PKHD1: variants seen among roughly 807,000 people sequenced by gnomAD.
The protein encoded by PKHD1 is PKHD1 ciliary IPT domain containing fibrocystin/polyductin.
A neutral mutation model predicts 412.0 loss-of-function variants in PKHD1; 291 were observed. The ratio of observed to expected loss-of-function variants is 0.71; its 90% CI spans 0.64 to 0.78. The LOEUF is 0.78. Ranked by LOEUF, PKHD1 falls within the 30% of genes least tolerant of loss-of-function variation. PKHD1 has a pLI of 0.00. For missense variants in PKHD1, 4,825 were observed against 4,950.7 expected (o/e 0.97, Z 0.76); for synonymous variants, 1,777 against 1,821.5 (o/e 0.98, Z 0.62).
chr6:51,852,161 C>T (rs1319016028), intron 49 of PKHD1, among the ~76,000 whole-genome samples: 1 of 152,064 alleles, frequency 6.6e-6, no homozygotes, highest in Non-Finnish European at 1.5e-5. Flanking sequence ...ATTATTTACC[C>T]AGGAGTCATT....
At chr6:52,024,273 T>G (rs1280507109) in intron 32 of PKHD1, among the ~76,000 whole-genome samples, 1 of 152,224 alleles carries the variant, frequency 6.6e-6, no homozygotes, top group Non-Finnish European at 1.5e-5. Flanking sequence ...AATGATCAAA[T>G]TATGAGCTCT....
At chr6:51,652,411 C>G (rs1581848885) in intron 61 of PKHD1, among the ~76,000 whole-genome samples, 2 of 152,180 alleles carry the variant, frequency 1.3e-5, no homozygotes, top group East Asian at 3.9e-4. Flanking sequence ...TCAACAAGAC[C>G]TACTGTGGTG....
At chr6:51,724,978 G>A (rs1360120591) in intron 60 of PKHD1, among the ~76,000 whole-genome samples, 1 of 152,186 alleles carries the variant, frequency 6.6e-6, no homozygotes, top group Non-Finnish European at 1.5e-5. Context: ...GTTATAGGAA[G>A]AAAAGGGTCA....
intron 48 of PKHD1, among the ~76,000 whole-genome samples, chr6:51,863,651 G>T (rs1774566836): frequency 6.6e-6 from 1 of 152,056 alleles, no homozygotes; most frequent in Non-Finnish European, 1.5e-5. Flanking sequence ...ATTGCCCCAG[G>T]AAAGTAAAAG....
intron 25 of PKHD1, among the ~76,000 whole-genome samples, chr6:52,043,935 T>C (rs1346877787): frequency 6.6e-6 from 1 of 152,200 alleles, no homozygotes; most frequent in African/African-American, 2.4e-5. Context: ...ATGGTGGACA[T>C]GCTGAACCCC....
intron 63 of PKHD1, among the ~76,000 whole-genome samples, chr6:51,639,464 T>C (rs2661508): frequency 0.043 from 6,497 of 152,172 alleles, 235 homozygotes; most frequent in African/African-American, 0.093. Context: ...ATAGTTTATG[T>C]GGTACCAGAA....
At chr6:52,074,997 T>C (rs1045789475) in intron 6 of PKHD1, among the ~76,000 whole-genome samples, 1 of 152,210 alleles carries the variant, frequency 6.6e-6, no homozygotes, top group Non-Finnish European at 1.5e-5. Flanking sequence ...ACACCTCTAA[T>C]GGCTGTCTGC....
rs1459716083 is a variant in PKHD1, at chr6:51,659,334, T to C, written c.10792A>G (p.Ile3598Val). The C allele has an allele frequency of 6.2e-7, 1 of 1,613,942 alleles. No individual in the cohort carries two copies. The highest frequency in any genetic ancestry group is 8.5e-7 in the Non-Finnish European group (1 of 1,179,920). ...TCTTCATGGCCAGGCATCTCGTGAA[T>C]AAACCTGATTTGGTTTTGGCCAATC... ...LQIGQNQIRF[I>V]HEMPGHEETL... The change falls in exon 61 of 67, where the codon ATT becomes GTT. Residue 3598 changes from isoleucine to valine, a missense_variant. Ile to Val is a conservative substitution (Grantham distance 29). Coordinates refer to ENST00000371117, the MANE Select transcript of PKHD1 (RefSeq NM_138694.4).
At chr6:51,727,019 T>C (rs1183426565) in intron 60 of PKHD1, among the ~76,000 whole-genome samples, 1 of 152,034 alleles carries the variant, frequency 6.6e-6, no homozygotes, top group Non-Finnish European at 1.5e-5. Context: ...ATTCAAAGCA[T>C]GAGAGGCACA....
rs139159011 is a variant in PKHD1 at position 51,791,107 on chromosome 6, A to G, written c.8440+129T>C. On this transcript the variant is annotated intron_variant, in intron 53 of 66. Coordinates refer to ENST00000371117, the MANE Select transcript of PKHD1 (RefSeq NM_138694.4). ...TGCCGAAGAGCAACTTTACTGGTGC[A>G]CTCACTACTACCTTAACCCTCCCTA... 4.3e-4 allele frequency: 382 copies of G among 891,850 alleles called. No homozygotes were observed. The African/African-American group carries it at 5.7e-3, about 13-fold the overall frequency. 55.2% of individuals were successfully genotyped at this position (891,850 alleles called of 1,614,324 possible).
chr6:51,896,107 G>T (rs907923590), intron 43 of PKHD1, among the ~76,000 whole-genome samples: 1 of 152,194 alleles, frequency 6.6e-6, no homozygotes, highest in Non-Finnish European at 1.5e-5. Context: ...GCCCACCATT[G>T]CCCAGGCTCG....
At chr6:51,693,077 TGGTATTCTTCAG>T (rs2150644924) in intron 60 of PKHD1, among the ~76,000 whole-genome samples, 1 of 152,320 alleles carries the variant, frequency 6.6e-6, no homozygotes, top group South Asian at 2.1e-4. Flanking sequence ...ATTTATGAAG[TGGTATTCTTCAG>T]GGTTCAGTTA....
rs1785550240 is a variant in PKHD1, at chr6:51,748,491, A to G, written c.9125T>C (p.Ile3042Thr). The change falls in exon 58 of 67, where the codon ATT (isoleucine) becomes ACT (threonine). Residue 3042 changes from isoleucine to threonine, a missense_variant. Coordinates refer to ENST00000371117, the MANE Select transcript of PKHD1 (RefSeq NM_138694.4). ...ASHGVLLNDN[I>T]VFGTAGHGID... is the part of the protein sequence containing the mutation. The stretch of plus-strand genomic sequence containing the variant: ...GCCATGGCCAGCTGTGCCAAACACA[A>G]TATTGTCATTTAAAAGTACTCCATG... 1.9e-6 allele frequency: 3 copies of G among 1,613,804 alleles called. No homozygotes were observed. Among genetic ancestry groups the G allele is most frequent in the African/African-American group, 1.3e-5 (1 of 74,896 alleles).
chr6:52,074,091 A>G (rs775370788), intron 6 of PKHD1, among the ~76,000 whole-genome samples: 4 of 152,196 alleles, frequency 2.6e-5, no homozygotes, highest in Non-Finnish European at 4.4e-5. Context: ...GTATACTTAA[A>G]CCATCACAGA....
chr6:52,057,139 A>C (rs982686036), intron 16 of PKHD1, among the ~76,000 whole-genome samples, 160 bp from the exon 17 acceptor site: 3 of 152,260 alleles, frequency 2.0e-5, no homozygotes, highest in Admixed American at 1.3e-4. Flanking sequence ...GGAACACAGC[A>C]TCATTGCCTA....
At chr6:51,814,285 C>CA (rs1177899310) in intron 52 of PKHD1, among the ~76,000 whole-genome samples, 1 of 152,182 alleles carries the variant, frequency 6.6e-6, no homozygotes, top group African/African-American at 2.4e-5. Context: ...CTCTACGATT[C>CA]TCTCAGTCAC....
intron 36 of PKHD1, among the ~76,000 whole-genome samples, chr6:51,958,104 T>C (rs145619709): frequency 1.3e-4 from 20 of 152,254 alleles, no homozygotes; most frequent in Non-Finnish European, 7.4e-5. Flanking sequence ...CCTATATCTC[T>C]ATGATAAAAA....
chr6:51,777,336 C>T (rs535317393), intron 53 of PKHD1, among the ~76,000 whole-genome samples: 1 of 152,210 alleles, frequency 6.6e-6, no homozygotes, highest in Admixed American at 6.6e-5. Flanking sequence ...ACAGCCATTA[C>T]TCTAGTACTC....
chr6:51,691,246 G>A (rs1306514691), intron 60 of PKHD1, among the ~76,000 whole-genome samples: 2 of 152,048 alleles, frequency 1.3e-5, no homozygotes, highest in Admixed American at 6.6e-5. Flanking sequence ...AAGACAGTGT[G>A]GTATTCCTCA....
Sources: gnomAD v4.1 joint callset for allele counts (sites outside exome capture counted in the v4.1 genomes callset) on GRCh38, gnomAD v4.1.1 for gene constraint, MANE v1.5 for transcripts, NCBI Gene and HGNC (gene_info 2026-07-23, HGNC 2026-07-21) for gene names.